The following DHRS9 variants were observed in gnomAD, a reference collection of about 807,000 sequenced individuals.
The protein encoded by DHRS9 is dehydrogenase/reductase SDR family member 9.
Under a neutral mutation model 26.6 loss-of-function variants are expected in DHRS9, and 18 were observed. The observed-to-expected ratio is 0.68, with a 90% CI of 0.47 to 1.00. The LOEUF (loss-of-function observed/expected upper bound fraction) is 1.00, where lower values mean the gene tolerates loss of function less well. Ranked by LOEUF, DHRS9 falls within the 50% of genes least tolerant of loss-of-function variation. DHRS9 has a pLI of 0.00. For missense variants in DHRS9, 425 were observed against 378.7 expected (o/e 1.12, Z -1.01); for synonymous variants, 134 against 141.1 (o/e 0.95, Z 0.36).
chr2:169,083,328 G>C lies in DHRS9; in HGVS notation c.314-1G>C, dbSNP rs546435343. 1.9e-6 allele frequency: 3 copies of C among 1,613,610 alleles called. No individual in the cohort carries two copies. Among genetic ancestry groups the C allele is most frequent in the Admixed American group, 1.7e-5 (1 of 60,002 alleles). On this transcript the variant is annotated splice_acceptor_variant, in intron 2 of 4. Coordinates refer to ENST00000674881, the MANE Select transcript of DHRS9 (RefSeq NM_001376924.1). LOFTEE classifies it high-confidence loss of function. ...CCTCTTTTCCTTCCTCTCTGTTCTAGGTCTCTGGGGTCTGATCAATAATGC... is the reference window on the plus strand; with the variant it reads ...CCTCTTTTCCTTCCTCTCTGTTCTACGTCTCTGGGGTCTGATCAATAATGC...
At chr2:169,077,232 C>T (rs1202221631) in intron 1 of DHRS9, among the ~76,000 whole-genome samples, 1 of 152,124 alleles carries the variant, frequency 6.6e-6, no homozygotes, top group East Asian at 1.9e-4. Context: ...TTGAATTGTG[C>T]ATAGTTTTTG....
At chr2:169,077,754 C>G (rs1327209890) in intron 1 of DHRS9, among the ~76,000 whole-genome samples, 3 of 152,168 alleles carry the variant, frequency 2.0e-5, no homozygotes, top group African/African-American at 7.2e-5. Context: ...AATTCAATCC[C>G]TTAGGGGCTG....
chr2:169,081,712 T>C lies in DHRS9; in HGVS notation c.131T>C (p.Leu44Ser), dbSNP rs1319887303. The change falls in exon 2 of 5, where the codon TTG becomes TCG. Residue 44 changes from leucine to serine, a missense_variant. Physicochemically the swap from Leu to Ser is moderately radical, Grantham distance 145. Transcript: ENST00000674881. ...GGATGTGACTCGGGCTTTGGAAACT[T>C]GGCAGCCAGAACTTTTGATAAAAAG... ...ITGCDSGFGN[L>S]AARTFDKKGF... The C allele has an allele frequency of 6.2e-7, 1 of 1,614,188 alleles. No homozygotes were observed. Among genetic ancestry groups the C allele is most frequent in the Non-Finnish European group, 8.5e-7 (1 of 1,180,036 alleles).
In DHRS9 at chr2:169,095,572, C is replaced by T; in HGVS notation, c.765C>T (p.Ser255=). 6.2e-7 allele frequency: 1 copy of T among 1,613,894 alleles called. No homozygotes were observed. Among genetic ancestry groups the T allele is most frequent in the Admixed American group, 1.7e-5 (1 of 59,996 alleles). Residue 255 remains serine (S), a synonymous_variant, in exon 5 of 5, where the codon TCC becomes TCT. Coordinates refer to ENST00000674881, the MANE Select transcript of DHRS9 (RefSeq NM_001376924.1). ...TAGACAAACTGAAAGGCAATAAATC[C>T]TATGTGAACATGGACCTCTCTCCGG... ...KSLDKLKGNK[S]YVNMDLSPVV...
At chr2:169,067,799 A>G (rs369333281), upstream of DHRS9, among the ~76,000 whole-genome samples, 4 of 152,214 alleles carry the variant, frequency 2.6e-5, no homozygotes, top group East Asian at 5.8e-4. Flanking sequence ...CACTGCTAAC[A>G]TGACTTCATT....
At chr2:169,083,306 C>G in intron 2 of DHRS9, 23 bp from the exon 3 acceptor site, 5 of 1,610,300 alleles carry the variant, frequency 3.1e-6, no homozygotes, top group Non-Finnish European at 4.2e-6. Context: ...TACCACACCT[C>G]TTTTCCTTCC....
chr2:169,091,698 C>T (rs1684531785), intron 3 of DHRS9, 92 bp from the exon 4 acceptor site: 8 of 1,356,014 alleles, frequency 5.9e-6, no homozygotes, highest in Non-Finnish European at 8.1e-6. Context: ...TCTGTGATTC[C>T]ATGAAAAGAT....
rs1409736182 is a variant in DHRS9, at chr2:169,095,995, C to G, written c.*228C>G. The G allele has an allele frequency of 1.8e-6, 1 of 564,208 alleles. No individual in the cohort carries two copies. The highest frequency in any genetic ancestry group is 2.1e-5 in the South Asian group (1 of 47,084). The allele number at this position is 564,208 out of a possible 1,614,324, so 35.0% of individuals were successfully genotyped here. A position where few individuals can be genotyped will look rare whatever the true frequency, so the allele number is the denominator to read the frequency against. On this transcript the variant is annotated 3_prime_UTR_variant, in exon 5 of 5. Transcript: ENST00000674881. Reference sequence around the variant, plus strand: ...GGTACATCACATAGGCAAGTCCTGCCCTGTATTTAGGCTTTGCCTGCTTGG... The same window carrying G: ...GGTACATCACATAGGCAAGTCCTGCGCTGTATTTAGGCTTTGCCTGCTTGG...
chr2:169,081,830 T>C lies in DHRS9; in HGVS notation c.249T>C (p.Asp83=), dbSNP rs775509727. The C allele has an allele frequency of 1.9e-5, 30 of 1,613,954 alleles. No homozygotes were observed. Among genetic ancestry groups the C allele is most frequent in the South Asian group, 9.9e-5 (9 of 91,072 alleles). ...AGAGACTTCGTACTGTGCTTCTGGA[T>C]GTGACCGACCCAGAGAATGTCAAGA... ...TSERLRTVLL[D]VTDPENVKRT... is the part of the protein sequence containing the mutation. Residue 83 remains aspartate (D), a synonymous_variant, in exon 2 of 5, where the codon GAT becomes GAC. Transcript: ENST00000674881.
chr2:169,087,860 A>C (rs898743876), intron 3 of DHRS9, among the ~76,000 whole-genome samples: 2 of 152,148 alleles, frequency 1.3e-5, no homozygotes, highest in African/African-American at 4.8e-5. Context: ...GCTGTTATCC[A>C]AGTCACAAGA....
chr2:169,083,764 A>G (rs559879955), intron 3 of DHRS9, among the ~76,000 whole-genome samples, 177 bp downstream of exon 3: 1 of 152,322 alleles, frequency 6.6e-6, no homozygotes, highest in Admixed American at 6.5e-5. Flanking sequence ...TGATATAAGT[A>G]TACAATGCAT....
chr2:169,070,956 TG>T (rs1286185850), intron 1 of DHRS9: 5 of 159,276 alleles, frequency 3.1e-5, no homozygotes, highest in African/African-American at 1.2e-4. Context: ...CCCAGCTACT[TG>T]GGAGGCTGAG....
intron 4 of DHRS9, among the ~76,000 whole-genome samples, chr2:169,092,768 G>C (rs894855702): frequency 6.6e-6 from 1 of 152,152 alleles, no homozygotes; most frequent in African/African-American, 2.4e-5. Context: ...TAATAATAAA[G>C]ATGACATAAT....
At chr2:169,079,965 G>C (rs779186557) in intron 1 of DHRS9, among the ~76,000 whole-genome samples, 30 of 105,902 alleles carry the variant, frequency 2.8e-4, no homozygotes, top group Admixed American at 5.0e-4. Context: ...GAGAGAGAGA[G>C]AGAGAGAGAG....
chr2:169,089,901 G>T (rs1684466756), intron 3 of DHRS9, among the ~76,000 whole-genome samples: 1 of 152,018 alleles, frequency 6.6e-6, no homozygotes, highest in South Asian at 2.1e-4. Context: ...GAGTAGCAAG[G>T]TCATAAAAAA....
chr2:169,073,333 T>C (rs1043765902), intron 1 of DHRS9, among the ~76,000 whole-genome samples: 2 of 152,184 alleles, frequency 1.3e-5, no homozygotes, highest in Non-Finnish European at 2.9e-5. Context: ...TCCTCCTCTA[T>C]ACAGTGAAGA....
chr2:169,069,316 G>A (rs756364887), upstream of DHRS9: 12 of 622,676 alleles, frequency 1.9e-5, no homozygotes, highest in Middle Eastern at 8.2e-4. Flanking sequence ...TTATTTCTTT[G>A]TTATATTATT....
chr2:169,090,165 A>C (rs1684476727), intron 3 of DHRS9, among the ~76,000 whole-genome samples: 1 of 152,192 alleles, frequency 6.6e-6, no homozygotes, highest in Admixed American at 6.5e-5. Flanking sequence ...TCAGCGTCAC[A>C]ATTTCTATAT....
upstream of DHRS9, among the ~76,000 whole-genome samples, chr2:169,067,471 A>G (rs552527148): frequency 6.6e-6 from 1 of 152,348 alleles, no homozygotes; most frequent in South Asian, 2.1e-4. Context: ...ATTCAGAAGA[A>G]AAAGGATAAC....
Sources: gnomAD v4.1 joint callset for allele counts (sites outside exome capture counted in the v4.1 genomes callset) on GRCh38, gnomAD v4.1.1 for gene constraint, MANE v1.5 for transcripts, NCBI Gene and HGNC (gene_info 2026-07-23, HGNC 2026-07-21) for gene names.